Variants in MAF observed in about 807,000 individuals in gnomAD.
MAF encodes the protein transcription factor Maf.
MAF carries 10 observed loss-of-function variants against 22.0 expected under a neutral mutation model. The ratio of observed to expected loss-of-function variants is 0.45; its 90% CI spans 0.28 to 0.77. The LOEUF is 0.77. Among genes scored for constraint, MAF ranks in the 30% least tolerant of loss-of-function variants. The probability of loss-of-function intolerance (pLI) is 0.12; values close to 1 mark genes in which losing one functional copy is unlikely to be tolerated. For synonymous variants in MAF, 337 were observed against 255.8 expected (o/e 1.32, Z -3.03); for missense variants, 544 against 548.4 (o/e 0.99, Z 0.08).
the MAF span, among the ~76,000 whole-genome samples, chr16:79,464,392 A>G: frequency 1.3e-5 from 2 of 152,136 alleles, no homozygotes; most frequent in Non-Finnish European, 2.9e-5. Flanking sequence ...GAAGACATAG[A>G]GAATGTTGTC....
chr16:79,206,946 C>CATTT, the MAF span, among the ~76,000 whole-genome samples: 4 of 152,218 alleles, frequency 2.6e-5, no homozygotes, highest in East Asian at 7.7e-4. Flanking sequence ...AGTTTGCTTT[C>CATTT]ATTTGTGTTT....
the MAF span, among the ~76,000 whole-genome samples, chr16:79,410,283 G>A: frequency 2.0e-5 from 3 of 152,164 alleles, no homozygotes; most frequent in Non-Finnish European, 4.4e-5. Flanking sequence ...GTGATTCTGG[G>A]AGCTGCCCAA....
At chr16:79,318,767 G>C in the MAF span, among the ~76,000 whole-genome samples, 1 of 152,132 alleles carries the variant, frequency 6.6e-6, no homozygotes, top group Non-Finnish European at 1.5e-5. Flanking sequence ...CACTCTTAAG[G>C]CTACAAGAGA....
At chr16:79,228,510 C>A in the MAF span, among the ~76,000 whole-genome samples, 1 of 152,120 alleles carries the variant, frequency 6.6e-6, no homozygotes, top group Non-Finnish European at 1.5e-5. Flanking sequence ...ACAAATTGGC[C>A]TGGATCCATT....
At chr16:79,550,023 T>G in the MAF span, among the ~76,000 whole-genome samples, 1 of 152,186 alleles carries the variant, frequency 6.6e-6, no homozygotes, top group African/African-American at 2.4e-5. Flanking sequence ...AGCTTCTTTC[T>G]GTCACTAATG....
At chr16:79,309,909 C>T in the MAF span, among the ~76,000 whole-genome samples, 2 of 152,158 alleles carry the variant, frequency 1.3e-5, no homozygotes, top group African/African-American at 4.8e-5. Context: ...TGCTTTAACT[C>T]CAAGGACTTA....
chr16:79,390,847 C>T, the MAF span, among the ~76,000 whole-genome samples: 1 of 152,158 alleles, frequency 6.6e-6, no homozygotes, highest in Non-Finnish European at 1.5e-5. Context: ...GTCTTTTCTG[C>T]TAGGAAAGGG....
chr16:79,573,079 CA>C, the MAF span, among the ~76,000 whole-genome samples: 1 of 152,064 alleles, frequency 6.6e-6, no homozygotes, highest in African/African-American at 2.4e-5. Flanking sequence ...TTTTTTTCCC[CA>C]AAAACTGTCC....
At chr16:79,436,293 G>C in the MAF span, among the ~76,000 whole-genome samples, 10 of 152,284 alleles carry the variant, frequency 6.6e-5, 1 homozygote, top group Admixed American at 6.5e-4. Flanking sequence ...ATGTTGGCCA[G>C]ACTGGTCTTG....
the MAF span, among the ~76,000 whole-genome samples, chr16:79,382,428 C>G: frequency 0.013 from 2,005 of 152,300 alleles, 36 homozygotes; most frequent in African/African-American, 0.045. Context: ...AGTATGGTAA[C>G]CACTGGACAT....
chr16:79,469,521 T>C, the MAF span, among the ~76,000 whole-genome samples: 2 of 152,136 alleles, frequency 1.3e-5, no homozygotes, highest in East Asian at 1.9e-4. Flanking sequence ...ATGAAACAAA[T>C]TACAACTGAA....
chr16:79,465,748 C>A, the MAF span, among the ~76,000 whole-genome samples: 1 of 152,116 alleles, frequency 6.6e-6, no homozygotes, highest in Admixed American at 6.5e-5. Flanking sequence ...ATCTCTCTGA[C>A]CTTCAATATC....
chr16:79,543,214 G>A, the MAF span, among the ~76,000 whole-genome samples: 6 of 152,302 alleles, frequency 3.9e-5, no homozygotes, highest in South Asian at 6.2e-4. Flanking sequence ...AAAGGTAGGC[G>A]CGATCCATGC....
At chr16:79,236,385 C>T in the MAF span, among the ~76,000 whole-genome samples, 2 of 152,032 alleles carry the variant, frequency 1.3e-5, no homozygotes, top group Non-Finnish European at 2.9e-5. Flanking sequence ...CCAAGAGCCA[C>T]ATCCTGGGGG....
chr16:79,511,779 A>G, the MAF span, among the ~76,000 whole-genome samples: 1 of 152,224 alleles, frequency 6.6e-6, no homozygotes. Context: ...GAGAAAATCA[A>G]TAAACTTGCC....
chr16:79,452,207 G>C, the MAF span, among the ~76,000 whole-genome samples: 1 of 152,188 alleles, frequency 6.6e-6, no homozygotes, highest in Non-Finnish European at 1.5e-5. Flanking sequence ...ACCCCTGACA[G>C]AGTAGATAAT....
chr16:79,207,550 A>G, the MAF span, among the ~76,000 whole-genome samples: 1 of 152,212 alleles, frequency 6.6e-6, no homozygotes, highest in Admixed American at 6.5e-5. Context: ...TAAGAAAGCA[A>G]TCTTAGAACA....
chr16:79,510,487 C>A, the MAF span, among the ~76,000 whole-genome samples: 20 of 152,310 alleles, frequency 1.3e-4, no homozygotes, highest in African/African-American at 4.8e-4. Context: ...GATGGAGACA[C>A]AGTTTGGGTT....
At chr16:79,354,324 G>A in the MAF span, among the ~76,000 whole-genome samples, 1 of 152,076 alleles carries the variant, frequency 6.6e-6, no homozygotes, top group Admixed American at 6.6e-5. Flanking sequence ...GGAAGGTCAG[G>A]GATGCAACAG....
Sources: allele counts gnomAD v4.1 joint callset (sites outside exome capture counted in the v4.1 genomes callset), GRCh38; gene constraint gnomAD v4.1.1; transcripts MANE v1.5; gene names NCBI Gene and HGNC (gene_info 2026-07-23, HGNC 2026-07-21).